The following IFI27L1 variants were observed in gnomAD, a reference collection of about 807,000 sequenced individuals.
IFI27L1 encodes the protein interferon alpha inducible protein 27 like 1.
In IFI27L1, 3 loss-of-function variants were observed where a neutral mutation model predicts 9.2. The observed-to-expected ratio is 0.32, with a 90% CI of 0.15 to 0.84. The LOEUF is 0.84. Ranked by LOEUF, IFI27L1 falls within the 40% of genes least tolerant of loss-of-function variation. The pLI, the probability that IFI27L1 is intolerant of heterozygous loss-of-function variation, is 0.56. For missense variants in IFI27L1, 133 were observed against 134.2 expected, an observed-to-expected ratio of 0.99 and a Z score of 0.05; for synonymous variants, 53 against 50.0, an observed-to-expected ratio of 1.06 and a Z score of -0.26.
chr14:94,092,251 C>T (rs372113736), intron 1 of IFI27L1, among the ~76,000 whole-genome samples: 2 of 152,036 alleles, frequency 1.3e-5, no homozygotes, highest in East Asian at 1.9e-4. Flanking sequence ...CTCTGGCTCA[C>T]GTCTGTAATC....
intron 1 of IFI27L1, among the ~76,000 whole-genome samples, chr14:94,083,379 C>G (rs562032465): frequency 6.6e-6 from 1 of 152,162 alleles, no homozygotes; most frequent in Non-Finnish European, 1.5e-5. Context: ...TAGAATATTT[C>G]GTAAACTTAG....
intron 1 of IFI27L1, among the ~76,000 whole-genome samples, chr14:94,086,863 T>C (rs1161363852): frequency 1.3e-5 from 2 of 152,222 alleles, no homozygotes; most frequent in East Asian, 3.8e-4. Context: ...CTACATATAA[T>C]TATTTATATA....
At chr14:94,101,176 C>A in intron 3 of IFI27L1, 1 of 364,334 alleles carries the variant, frequency 2.7e-6, no homozygotes, top group Non-Finnish European at 5.1e-6. Flanking sequence ...TCCACTGAGT[C>A]AGAAGCTTTT....
chr14:94,094,585 G>A (rs4905161), intron 1 of IFI27L1, among the ~76,000 whole-genome samples: 44,380 of 152,018 alleles, frequency 0.29, 6,857 homozygotes, highest in East Asian at 0.5. Context: ...AGATGGTGAC[G>A]GAAGTGACCT....
At chr14:94,102,390 G>T (rs1283815664) in intron 4 of IFI27L1, 87 bp from the exon 5 acceptor site, 6 of 783,132 alleles carry the variant, frequency 7.7e-6, no homozygotes, top group Non-Finnish European at 1.2e-5. Flanking sequence ...CAGGTCTCTG[G>T]AGGGACCAGG....
At position 94,090,546 on chromosome 14, in the gene IFI27L1, G is replaced by A. The variant is rs1458176823; in HGVS notation, c.-51-6341G>A. On this transcript the variant is annotated intron_variant, in intron 1 of 4. Coordinates refer to ENST00000555523, the MANE Select transcript of IFI27L1 (RefSeq NM_206949.3). ...ATTTTTAAAGCTGAGGCCAGCCATG[G>A]GTTGGTAGCAGATACCTACGAGTTT... 4.6e-5 allele frequency among the ~76,000 whole-genome samples: 7 copies of A among 152,182 alleles called. No individual in the cohort carries two copies. The East Asian group carries it at 1.3e-3, about 29-fold the overall frequency.
chr14:94,082,222 G>T (rs1183560783), intron 1 of IFI27L1, among the ~76,000 whole-genome samples: 1 of 152,154 alleles, frequency 6.6e-6, no homozygotes, highest in Non-Finnish European at 1.5e-5. Flanking sequence ...ACCCAAAACC[G>T]AATCCAAAGC....
chr14:94,093,561 C>T (rs1595392992), intron 1 of IFI27L1, among the ~76,000 whole-genome samples: 3 of 152,188 alleles, frequency 2.0e-5, no homozygotes, highest in East Asian at 3.9e-4. Flanking sequence ...TCTACACTAG[C>T]TGACAAATGG....
At chr14:94,097,461 G>A (rs770391185) in intron 2 of IFI27L1, 166 of 593,976 alleles carry the variant, frequency 2.8e-4, no homozygotes, top group Non-Finnish European at 3.6e-4. Context: ...TGGCATAAGC[G>A]ACTCCATTTT....
chr14:94,092,881 C>G (rs1011155218), intron 1 of IFI27L1, among the ~76,000 whole-genome samples: 1 of 152,136 alleles, frequency 6.6e-6, no homozygotes, highest in Non-Finnish European at 1.5e-5. Context: ...AGGGGTTTCC[C>G]TTTATGCTTC....
chr14:94,086,400 A>C (rs907415106), intron 1 of IFI27L1, among the ~76,000 whole-genome samples: 2 of 152,184 alleles, frequency 1.3e-5, no homozygotes, highest in African/African-American at 4.8e-5. Context: ...GCAATACAAG[A>C]ATTGCCTAAT....
chr14:94,091,064 A>C (rs1354463367), intron 1 of IFI27L1, among the ~76,000 whole-genome samples: 2 of 152,214 alleles, frequency 1.3e-5, no homozygotes, highest in Non-Finnish European at 2.9e-5. Flanking sequence ...CATGCGCTTA[A>C]TTCCTGTTCT....
chr14:94,084,849 A>G (rs113847501), intron 1 of IFI27L1, among the ~76,000 whole-genome samples: 7,936 of 152,284 alleles, frequency 0.052, 641 homozygotes, highest in African/African-American at 0.17. Flanking sequence ...AGTTAATTTT[A>G]AAGGACTCCA....
chr14:94,087,113 A>G (rs781332977), intron 1 of IFI27L1, among the ~76,000 whole-genome samples: 8 of 152,236 alleles, frequency 5.3e-5, no homozygotes, highest in Non-Finnish European at 1.0e-4. Context: ...TTAGAAAGCA[A>G]TTAAAAGACA....
intron 2 of IFI27L1, among the ~76,000 whole-genome samples, chr14:94,099,081 C>T (rs1567071747): frequency 6.6e-6 from 1 of 152,180 alleles, no homozygotes; most frequent in Non-Finnish European, 1.5e-5. Flanking sequence ...CCTTGTTTTA[C>T]TGGTATTGGG....
intron 1 of IFI27L1, among the ~76,000 whole-genome samples, chr14:94,082,995 G>A (rs1015395458): frequency 6.6e-6 from 1 of 152,216 alleles, no homozygotes; most frequent in East Asian, 1.9e-4. Context: ...ATGGATCTGG[G>A]CAAAGTATAT....
intron 1 of IFI27L1, chr14:94,088,334 C>G: frequency 1.4e-6 from 1 of 702,170 alleles, no homozygotes; most frequent in Non-Finnish European, 2.6e-6. Context: ...CATAGATGCC[C>G]CAGAGCCAAC....
intron 2 of IFI27L1, chr14:94,100,528 G>C (rs1008689553): frequency 2.0e-6 from 2 of 985,300 alleles, no homozygotes; most frequent in Admixed American, 6.1e-5. Context: ...TTCTGATGCG[G>C]GGACCTGGGG....
Position 94,096,966 on chromosome 14 carries a change from G to A in IFI27L1, c.28+1G>A, listed in dbSNP as rs1241935706. On this transcript the variant is annotated splice_donor_variant, in intron 2 of 4. Transcript: ENST00000555523. LOFTEE classifies it high-confidence loss of function. ...GGAAAGGAGAGTGGATGGGACTCAG[G>A]TGGGTACTGCACATGATTCTGGGGG... The A allele has an allele frequency of 3.7e-6, 6 of 1,613,122 alleles. No homozygotes were observed. The African/African-American group carries it at 5.3e-5, about 14-fold the overall frequency.
Sources: allele counts gnomAD v4.1 joint callset (sites outside exome capture counted in the v4.1 genomes callset), GRCh38; gene constraint gnomAD v4.1.1; transcripts MANE v1.5; gene names NCBI Gene and HGNC (gene_info 2026-07-23, HGNC 2026-07-21).